Variants in DLC1 observed in about 807,000 individuals in gnomAD.
DLC1 encodes the protein DLC1 Rho GTPase activating protein.
Under a neutral mutation model 140.3 loss-of-function variants are expected in DLC1, and 54 were observed. The observed-to-expected ratio is 0.38, with a 90% confidence interval of 0.31 to 0.48. The LOEUF (loss-of-function observed/expected upper bound fraction) is 0.48. DLC1 is among the 20% of genes least tolerant of loss of function. The probability of loss-of-function intolerance (pLI) is 0.96; values close to 1 mark genes in which losing one functional copy is unlikely to be tolerated. For missense variants in DLC1, 2,536 were observed against 1,907.0 expected, an observed-to-expected ratio of 1.33 and a Z score of -6.14; for synonymous variants, 986 against 728.1, an observed-to-expected ratio of 1.35 and a Z score of -5.70.
intron 4 of DLC1, among the ~76,000 whole-genome samples, chr8:13,343,749 A>C (rs1834182092): frequency 6.6e-6 from 1 of 152,128 alleles, no homozygotes; most frequent in South Asian, 2.1e-4. Flanking sequence ...TAAAGTCAGC[A>C]CTCTAAAAGC....
chr8:13,342,023 G>A (rs547988940), intron 4 of DLC1: 2 of 152,170 alleles, frequency 1.3e-5, no homozygotes, highest in Admixed American at 6.5e-5. Context: ...GCATCAGATC[G>A]AGAGGATACA....
chr8:13,114,260 G>A (rs1459813109), intron 6 of DLC1, among the ~76,000 whole-genome samples: 1 of 152,202 alleles, frequency 6.6e-6, no homozygotes, highest in Non-Finnish European at 1.5e-5. Flanking sequence ...TACTCAGGAG[G>A]CTGAGGCAGG....
rs778972387 is a variant in DLC1, at chr8:13,090,301, C to T, written c.4025G>A (p.Gly1342Asp). 1.2e-6 allele frequency: 2 copies of T among 1,614,070 alleles called. No individual in the cohort carries two copies. Among genetic ancestry groups the T allele is most frequent in the African/African-American group, 1.3e-5 (1 of 74,928 alleles). ...LFKEVKEKFKGWVSYSTSEQA... is the reference protein window; with the variant it reads ...LFKEVKEKFKDWVSYSTSEQA... ...CTCCGAAGTGGAGTAGCTGACCCAG[C>T]CTTTAAACTTCTCTTTGACTTCTTT... Residue 1342 changes from glycine to aspartate, a missense_variant, in exon 15 of 18, where the codon GGC becomes GAC. Transcript: ENST00000276297.
At chr8:13,542,068 G>T (rs1188733229) in intron 1 of DLC1, among the ~76,000 whole-genome samples, 1 of 152,006 alleles carries the variant, frequency 6.6e-6, no homozygotes, top group East Asian at 1.9e-4. Context: ...TAATTATGTT[G>T]CAGTCCAGTT....
chr8:13,372,992 A>G (rs1835797923), intron 4 of DLC1, among the ~76,000 whole-genome samples: 1 of 152,188 alleles, frequency 6.6e-6, no homozygotes, highest in African/African-American at 2.4e-5. Flanking sequence ...GACATGGCTG[A>G]GCCTAAACCC....
intron 4 of DLC1, among the ~76,000 whole-genome samples, chr8:13,390,984 C>CAAAAAAAAA (rs1430798740): frequency 2.8e-4 from 20 of 71,092 alleles, no homozygotes; most frequent in African/African-American, 5.6e-4. Context: ...GACTCCGTCT[C>CAAAAAAAAA]AAAAAAAAAA....
At chr8:13,367,025 C>G (rs1011050453) in intron 4 of DLC1, among the ~76,000 whole-genome samples, 5 of 152,156 alleles carry the variant, frequency 3.3e-5, no homozygotes, top group Non-Finnish European at 7.3e-5. Flanking sequence ...GCCTCCTTTC[C>G]CTTTCCTCTC....
intron 13 of DLC1, among the ~76,000 whole-genome samples, chr8:13,091,888 TCTC>T (rs946697483): frequency 2.0e-5 from 3 of 152,142 alleles, no homozygotes; most frequent in Admixed American, 1.3e-4. Flanking sequence ...ATTTGATCTC[TCTC>T]CTCTACTCAT....
chr8:13,463,000 C>T (rs931778972), intron 2 of DLC1, among the ~76,000 whole-genome samples: 6 of 152,152 alleles, frequency 3.9e-5, no homozygotes, highest in African/African-American at 1.4e-4. Context: ...ACTTTGGAAT[C>T]ACAGGCAACA....
intron 2 of DLC1, among the ~76,000 whole-genome samples, chr8:13,489,118 T>C (rs922461878): frequency 6.6e-6 from 1 of 152,010 alleles, no homozygotes; most frequent in African/African-American, 2.4e-5. Context: ...TGGCTAATTT[T>C]TGTATTTTAA....
intron 4 of DLC1, among the ~76,000 whole-genome samples, chr8:13,348,959 A>C (rs1001328817): frequency 6.6e-6 from 1 of 152,202 alleles, no homozygotes; most frequent in African/African-American, 2.4e-5. Flanking sequence ...TGGAGGCAGC[A>C]GCCGCTCTGG....
At chr8:13,453,471 C>CATATATATGTATATATATATACAT (rs1799225626) in intron 2 of DLC1, among the ~76,000 whole-genome samples, 3 of 12,386 alleles carry the variant, frequency 2.4e-4, no homozygotes, top group African/African-American at 9.1e-4. Context: ...TATATATATA[C>CATATATATGTATATATATATACAT]ATATATATGT....
chr8:13,119,187 T>G (rs1194101633), intron 5 of DLC1, among the ~76,000 whole-genome samples: 1 of 144,252 alleles, frequency 6.9e-6, no homozygotes, highest in East Asian at 2.0e-4. Flanking sequence ...GTGACCACAC[T>G]ACTGCATTCC....
intron 5 of DLC1, among the ~76,000 whole-genome samples, chr8:13,171,291 C>A (rs146787808): frequency 0.012 from 1,893 of 152,244 alleles, 15 homozygotes; most frequent in South Asian, 0.036. Context: ...CCTGTTTGTT[C>A]TTATTCTCAA....
chr8:13,447,902 T>G (rs1020194851), intron 2 of DLC1, among the ~76,000 whole-genome samples: 12 of 152,180 alleles, frequency 7.9e-5, no homozygotes, highest in Admixed American at 7.9e-4. Flanking sequence ...TTTAACATTT[T>G]TAGGAAACAA....
chr8:13,426,872 A>G (rs1838609743), intron 2 of DLC1, among the ~76,000 whole-genome samples: 1 of 152,088 alleles, frequency 6.6e-6, no homozygotes, highest in Admixed American at 6.5e-5. Flanking sequence ...ATTAGAGCTT[A>G]CCTCAAGATT....
chr8:13,481,385 C>T (rs950431070), intron 2 of DLC1, among the ~76,000 whole-genome samples: 4 of 152,100 alleles, frequency 2.6e-5, no homozygotes, highest in African/African-American at 9.7e-5. Context: ...CATGATTGTG[C>T]CAGTCACTGC....
chr8:13,348,881 G>A (rs191468913), intron 4 of DLC1, among the ~76,000 whole-genome samples: 9 of 152,180 alleles, frequency 5.9e-5, no homozygotes, highest in African/African-American at 2.2e-4. Context: ...GAGGAGGGCA[G>A]TGGGGATGGG....
intron 5 of DLC1, among the ~76,000 whole-genome samples, chr8:13,215,956 C>G (rs1828181557): frequency 6.6e-6 from 1 of 152,148 alleles, no homozygotes; most frequent in Non-Finnish European, 1.5e-5. Flanking sequence ...CCACCAGATC[C>G]CTCTTACCCA....
Sources: allele counts gnomAD v4.1 joint callset (sites outside exome capture counted in the v4.1 genomes callset), GRCh38; gene constraint gnomAD v4.1.1; transcripts MANE v1.5; gene names NCBI Gene and HGNC (gene_info 2026-07-23, HGNC 2026-07-21).